DCC: variants seen among roughly 807,000 people sequenced by gnomAD.
The protein encoded by DCC is netrin receptor DCC.
In DCC, 58 loss-of-function variants were observed where a neutral mutation model predicts 172.5. The ratio of observed to expected loss-of-function variants is 0.34; its 90% CI spans 0.27 to 0.42. The LOEUF (loss-of-function observed/expected upper bound fraction) is 0.42. Among genes scored for constraint, DCC ranks in the 10% least tolerant of loss-of-function variants. DCC has a pLI of 1.00. For synonymous variants in DCC, 709 were observed against 644.5 expected, an observed-to-expected ratio of 1.10 and a Z score of -1.52; for missense variants, 1,740 against 1,791.0, an observed-to-expected ratio of 0.97 and a Z score of 0.51.
At chr18:52,571,208 G>A (rs1248413246) in intron 1 of DCC, among the ~76,000 whole-genome samples, 2 of 152,038 alleles carry the variant, frequency 1.3e-5, no homozygotes, top group Non-Finnish European at 2.9e-5. Flanking sequence ...CCAATGTGTG[G>A]AGTCTTATTT....
At chr18:52,362,992 G>A (rs1432271287) in intron 1 of DCC, among the ~76,000 whole-genome samples, 3 of 152,034 alleles carry the variant, frequency 2.0e-5, no homozygotes, top group African/African-American at 4.8e-5. Context: ...TCTGCCTTCC[G>A]GGTTCAAGCG....
intron 6 of DCC, among the ~76,000 whole-genome samples, chr18:53,064,977 G>A (rs551272511): frequency 6.6e-6 from 1 of 152,172 alleles, no homozygotes; most frequent in South Asian, 2.1e-4. Flanking sequence ...ACTCATTACA[G>A]CCAACCAATT....
intron 2 of DCC, among the ~76,000 whole-genome samples, chr18:52,888,267 A>G (rs959849163): frequency 1.3e-5 from 2 of 152,236 alleles, no homozygotes; most frequent in Admixed American, 6.5e-5. Flanking sequence ...TGACAAAAAG[A>G]TGAAGAGATT....
chr18:53,188,095 C>G (rs34956546), intron 9 of DCC, among the ~76,000 whole-genome samples: 2,570 of 152,154 alleles, frequency 0.017, 67 homozygotes, highest in African/African-American at 0.052. Context: ...CTCTGGGTAC[C>G]CAGAGTCTGA....
intron 2 of DCC, among the ~76,000 whole-genome samples, chr18:52,820,149 C>T (rs1294909769): frequency 1.3e-5 from 2 of 152,106 alleles, no homozygotes; most frequent in Admixed American, 6.5e-5. Flanking sequence ...GACTTAGATA[C>T]AGCAGTCCTC....
chr18:52,756,724 C>A (rs1375781570), intron 2 of DCC, among the ~76,000 whole-genome samples: 3 of 149,922 alleles, frequency 2.0e-5, no homozygotes, highest in Admixed American at 6.6e-5. Context: ...ACGTTGCCAG[C>A]TATCTGAGCC....
chr18:53,016,813 C>T (rs2041813489), intron 5 of DCC, among the ~76,000 whole-genome samples: 1 of 151,924 alleles, frequency 6.6e-6, no homozygotes, highest in Admixed American at 6.6e-5. Context: ...TTACGTCTGC[C>T]CTTTAATGTT....
intron 5 of DCC, among the ~76,000 whole-genome samples, chr18:53,018,505 T>C (rs1383149187): frequency 6.6e-6 from 1 of 152,196 alleles, no homozygotes; most frequent in Admixed American, 6.5e-5. Flanking sequence ...TTTGATTGGA[T>C]TGCTTCAATT....
intron 12 of DCC, among the ~76,000 whole-genome samples, chr18:53,273,589 G>T (rs1283357393): frequency 6.6e-6 from 1 of 152,074 alleles, no homozygotes; most frequent in Non-Finnish European, 1.5e-5. Context: ...AATTTCATGA[G>T]TGTTGCCTGA....
At chr18:52,987,435 A>G (rs1389116111) in intron 5 of DCC, among the ~76,000 whole-genome samples, 1 of 152,170 alleles carries the variant, frequency 6.6e-6, no homozygotes, top group Non-Finnish European at 1.5e-5. Flanking sequence ...ACAACGTAAG[A>G]CCATCCCCTT....
chr18:52,721,407 A>G (rs376748588), intron 1 of DCC, among the ~76,000 whole-genome samples: 1 of 152,336 alleles, frequency 6.6e-6, no homozygotes, highest in South Asian at 2.1e-4. Context: ...GCCTAACAGG[A>G]CAGTGAGGGG....
intron 9 of DCC, among the ~76,000 whole-genome samples, chr18:53,182,190 C>G (rs897478691): frequency 3.3e-5 from 5 of 152,196 alleles, no homozygotes; most frequent in Admixed American, 2.0e-4. Flanking sequence ...AAATTCTATT[C>G]TCTAAGAAAT....
Position 52,860,769 on chromosome 18 carries a change from G to A in DCC, c.413-45275G>A, listed in dbSNP as rs144795199. ...AATCCCAGCACTCTGGGAGGCTGAGGCAGGCAGATCACGAGGTCAGGAGAC... is the reference window on the plus strand; with the variant it reads ...AATCCCAGCACTCTGGGAGGCTGAGACAGGCAGATCACGAGGTCAGGAGAC... On this transcript the variant is annotated intron_variant, in intron 2 of 28. Coordinates refer to ENST00000442544, the MANE Select transcript of DCC (RefSeq NM_005215.4). Among the ~76,000 whole-genome samples, 150 of 152,288 alleles carry A rather than the reference G, an allele frequency of 9.8e-4. 1 individual carries two copies. Among genetic ancestry groups the A allele is most frequent in the African/African-American group, 3.5e-3 (146 of 41,536 alleles).
intron 2 of DCC, among the ~76,000 whole-genome samples, chr18:52,872,271 G>A (rs974256479): frequency 2.0e-5 from 3 of 152,142 alleles, no homozygotes; most frequent in Non-Finnish European, 4.4e-5. Context: ...TAGCAAAGGT[G>A]GGTGGTCTTA....
intron 1 of DCC, among the ~76,000 whole-genome samples, chr18:52,723,125 TTC>T (rs1466237148): frequency 6.6e-6 from 1 of 152,132 alleles, no homozygotes; most frequent in Non-Finnish European, 1.5e-5. Context: ...CTCCCTCCCT[TTC>T]TCTCACTCTC....
intron 1 of DCC, among the ~76,000 whole-genome samples, chr18:52,497,280 A>AAAAAAAATATAT (rs1555689730): frequency 9.3e-5 from 2 of 21,574 alleles, no homozygotes; most frequent in Non-Finnish European, 2.1e-4. Flanking sequence ...AAAAAAAAAA[A>AAAAAAAATATAT]ATATATATAT....
intron 1 of DCC, among the ~76,000 whole-genome samples, chr18:52,726,645 C>T (rs1180965838): frequency 6.6e-6 from 1 of 152,164 alleles, no homozygotes; most frequent in East Asian, 1.9e-4. Context: ...GGTCTCCCAA[C>T]TCCAAATGTA....
At chr18:53,407,894 C>A (rs1909767923) in intron 19 of DCC, among the ~76,000 whole-genome samples, 1 of 152,038 alleles carries the variant, frequency 6.6e-6, no homozygotes, top group Non-Finnish European at 1.5e-5. Context: ...CAGAAAACAA[C>A]TCCTTTATCA....
intron 1 of DCC, among the ~76,000 whole-genome samples, chr18:52,627,013 T>C (rs537559609): frequency 8.2e-4 from 125 of 152,324 alleles, no homozygotes; most frequent in African/African-American, 2.8e-3. Context: ...CACTACCCTC[T>C]TCTCTGTTCC....
Sources: allele counts gnomAD v4.1 joint callset (sites outside exome capture counted in the v4.1 genomes callset), GRCh38; gene constraint gnomAD v4.1.1; transcripts MANE v1.5; gene names NCBI Gene and HGNC (gene_info 2026-07-23, HGNC 2026-07-21).